The following MYO3A variants were observed in gnomAD, a reference collection of about 807,000 sequenced individuals.
The protein encoded by MYO3A is myosin-IIIa.
In MYO3A, 180 loss-of-function variants were observed where a neutral mutation model predicts 192.7. The observed-to-expected ratio is 0.93, with a 90% CI of 0.83 to 1.06. The LOEUF (loss-of-function observed/expected upper bound fraction) is 1.06, where lower values mean the gene tolerates loss of function less well. Among genes scored for constraint, MYO3A ranks in the 50% least tolerant of loss-of-function variants. MYO3A has a pLI of 0.00. For synonymous variants in MYO3A, 628 were observed against 645.3 expected, an observed-to-expected ratio of 0.97 and a Z score of 0.41; for missense variants, 1,896 against 1,905.0, an observed-to-expected ratio of 1.00 and a Z score of 0.09.
chr10:26,018,445 G>A (rs1485058343), intron 7 of MYO3A, among the ~76,000 whole-genome samples: 1 of 151,760 alleles, frequency 6.6e-6, no homozygotes, highest in East Asian at 1.9e-4. Flanking sequence ...AAAGCAATAA[G>A]GTGAACAAAT....
intron 26 of MYO3A, among the ~76,000 whole-genome samples, chr10:26,162,708 T>A (rs1841541668): frequency 1.3e-5 from 2 of 152,222 alleles, no homozygotes; most frequent in Admixed American, 1.3e-4. Context: ...ATCTGATATT[T>A]ATTTGAATAA....
intron 10 of MYO3A, among the ~76,000 whole-genome samples, chr10:26,046,797 G>A (rs1024155404): frequency 6.6e-6 from 1 of 152,168 alleles, no homozygotes; most frequent in Non-Finnish European, 1.5e-5. Flanking sequence ...GGATGAGATC[G>A]TAACATGATT....
At chr10:26,184,935 C>T (rs962275910) in intron 31 of MYO3A, among the ~76,000 whole-genome samples, 2 of 152,188 alleles carry the variant, frequency 1.3e-5, no homozygotes, top group East Asian at 3.8e-4. Flanking sequence ...CAAAAATTCA[C>T]AGATCCATTA....
At chr10:26,077,243 T>TTTTTTTTTTTTTTTTTTTTTTTTTTTC (rs1835645154) in intron 14 of MYO3A, among the ~76,000 whole-genome samples, 1 of 140,932 alleles carries the variant, frequency 7.1e-6, no homozygotes, top group Non-Finnish European at 1.5e-5. Context: ...GTTTTTTTTT[T>TTTTTTTTTTTTTTTTTTTTTTTTTTTC]TTTTTTTTTT....
chr10:26,057,874 G>A (rs990965604), intron 10 of MYO3A, among the ~76,000 whole-genome samples: 1 of 152,268 alleles, frequency 6.6e-6, no homozygotes. Context: ...AGAGGAAGGC[G>A]TAGGGACTTC....
chr10:26,029,624 G>GT (rs1842719017), intron 10 of MYO3A, among the ~76,000 whole-genome samples: 2 of 152,128 alleles, frequency 1.3e-5, no homozygotes, highest in Admixed American at 6.5e-5. Context: ...TTGGTGAGTG[G>GT]TTTTTTGTTA....
intron 4 of MYO3A, among the ~76,000 whole-genome samples, chr10:25,973,393 G>A (rs1313114685): frequency 1.3e-5 from 2 of 152,000 alleles, no homozygotes; most frequent in East Asian, 3.9e-4. Flanking sequence ...CAAGACGATG[G>A]GGTTTTCTAA....
intron 20 of MYO3A, among the ~76,000 whole-genome samples, chr10:26,130,402 A>G (rs1839462930): frequency 6.6e-6 from 1 of 152,152 alleles, no homozygotes; most frequent in Admixed American, 6.5e-5. Context: ...TGAGCCACCA[A>G]TCCTGGCCTA....
intron 4 of MYO3A, among the ~76,000 whole-genome samples, chr10:25,985,722 A>T (rs551914360): frequency 0.043 from 6,568 of 152,288 alleles, 178 homozygotes; most frequent in Middle Eastern, 0.068. Flanking sequence ...CACCAAAAAA[A>T]GTCCAGGATC....
chr10:26,068,843 G>T lies in MYO3A; in HGVS notation c.1129G>T (p.Ala377Ser), dbSNP rs980939580. The T allele has an allele frequency of 1.9e-6, 3 of 1,599,506 alleles. No individual in the cohort carries two copies. In the African/African-American group the frequency reaches 4.0e-5, roughly 21 times the overall value. Residue 377 changes from alanine (A) to serine (S), a missense_variant, in exon 12 of 35, where the codon GCT (alanine) becomes TCT (serine). Coordinates refer to ENST00000642920, the MANE Select transcript of MYO3A (RefSeq NM_017433.5). ...IYVYVGDILI[A>S]LNPFQSLGLY... is the part of the protein sequence containing the mutation. ...CGTCTATGTGGGAGACATACTCATT[G>T]CTCTTAACCCTTTTCAGAGTCTGGG...
intron 4 of MYO3A, among the ~76,000 whole-genome samples, chr10:25,992,736 G>A (rs915239956): frequency 1.2e-4 from 19 of 152,216 alleles, no homozygotes; most frequent in Non-Finnish European, 2.6e-4. Context: ...GAATTTTGTT[G>A]AAGGCCTTTT....
intron 10 of MYO3A, among the ~76,000 whole-genome samples, chr10:26,032,922 C>T (rs1842867873): frequency 6.6e-6 from 1 of 152,214 alleles, no homozygotes; most frequent in Non-Finnish European, 1.5e-5. Flanking sequence ...TTCCTTGACA[C>T]ATGAGACTTT....
chr10:26,091,595 T>C (rs1192538504), intron 15 of MYO3A, among the ~76,000 whole-genome samples: 1 of 152,206 alleles, frequency 6.6e-6, no homozygotes, highest in Non-Finnish European at 1.5e-5. Flanking sequence ...GTGGCTGACA[T>C]GGTCCTCTCC....
At chr10:26,063,073 A>G (rs768063584) in intron 10 of MYO3A, among the ~76,000 whole-genome samples, 3 of 152,150 alleles carry the variant, frequency 2.0e-5, no homozygotes, top group Non-Finnish European at 4.4e-5. Context: ...TAAATAATTA[A>G]TGAGTAACTC....
chr10:26,002,523 G>A (rs1187521628), intron 6 of MYO3A, among the ~76,000 whole-genome samples: 6 of 152,104 alleles, frequency 3.9e-5, no homozygotes, highest in Non-Finnish European at 7.3e-5. Flanking sequence ...ATTAAAGAGA[G>A]TGATGGGGTA....
At chr10:25,990,193 C>G (rs887528049) in intron 4 of MYO3A, among the ~76,000 whole-genome samples, 2 of 152,070 alleles carry the variant, frequency 1.3e-5, no homozygotes. Context: ...TATGTATATT[C>G]TCCCTGTTTT....
At chr10:25,983,493 G>A (rs1253693384) in intron 4 of MYO3A, among the ~76,000 whole-genome samples, 3 of 151,992 alleles carry the variant, frequency 2.0e-5, no homozygotes, top group Non-Finnish European at 2.9e-5. Flanking sequence ...TCCTGACCTT[G>A]TGATCCACCC....
At chr10:26,165,580 G>A (rs1841699991) in intron 26 of MYO3A, among the ~76,000 whole-genome samples, 1 of 152,124 alleles carries the variant, frequency 6.6e-6, no homozygotes, top group African/African-American at 2.4e-5. Flanking sequence ...GTCCCTCAAG[G>A]AAAAACAATG....
chr10:26,161,832 G>C (rs755741462), intron 26 of MYO3A, among the ~76,000 whole-genome samples: 1 of 151,978 alleles, frequency 6.6e-6, no homozygotes, highest in Non-Finnish European at 1.5e-5. Context: ...GTGGCCTAGG[G>C]GATGCCCTCC....
Sources: gnomAD v4.1 joint callset for allele counts (sites outside exome capture counted in the v4.1 genomes callset) on GRCh38, gnomAD v4.1.1 for gene constraint, MANE v1.5 for transcripts, NCBI Gene and HGNC (gene_info 2026-07-23, HGNC 2026-07-21) for gene names.